Variants in DCTN5 observed in about 807,000 individuals in gnomAD.
DCTN5 encodes the protein dynactin 4.
Under a neutral mutation model 23.5 loss-of-function variants are expected in DCTN5, and 14 were observed. The ratio of observed to expected loss-of-function variants is 0.60; its 90% confidence interval spans 0.39 to 0.93. The LOEUF is 0.93. Ranked by LOEUF, DCTN5 falls within the 40% of genes least tolerant of loss-of-function variation. The probability of loss-of-function intolerance (pLI) is 0.00; values close to 1 mark genes in which losing one functional copy is unlikely to be tolerated. For missense variants in DCTN5, 156 were observed against 225.9 expected (o/e 0.69, Z 1.98); for synonymous variants, 67 against 79.6 (o/e 0.84, Z 0.84).
At chr16:23,648,366 T>TA (rs1967520545) in intron 2 of DCTN5, among the ~76,000 whole-genome samples, 1 of 147,966 alleles carries the variant, frequency 6.8e-6, no homozygotes. Flanking sequence ...TTTTTTTTTT[T>TA]AGAGACACAG....
At chr16:23,643,365 G>T (rs1967352250) in intron 2 of DCTN5, among the ~76,000 whole-genome samples, 1 of 151,706 alleles carries the variant, frequency 6.6e-6, no homozygotes, top group South Asian at 2.1e-4. Flanking sequence ...CTAATATTTT[G>T]TATTTTTAGT....
At chr16:23,663,891 G>A (rs1967860480) in intron 4 of DCTN5, among the ~76,000 whole-genome samples, 1 of 152,190 alleles carries the variant, frequency 6.6e-6, no homozygotes, top group African/African-American at 2.4e-5. Context: ...GCCAACCAGT[G>A]GACAGAGCAG....
chr16:23,658,676 G>A (rs769939722), intron 3 of DCTN5, 51 bp downstream of exon 3: 1 of 1,402,906 alleles, frequency 7.1e-7, no homozygotes, highest in East Asian at 2.3e-5. Context: ...GCTGCCACTG[G>A]TGGTGTGGTC....
At chr16:23,666,000 T>C (rs1267158148) in intron 5 of DCTN5, 2 of 448,806 alleles carry the variant, frequency 4.5e-6, no homozygotes, top group Non-Finnish European at 8.0e-6. Flanking sequence ...CACGGGTTAA[T>C]GCTGTCTTCA....
At position 23,668,391 on chromosome 16, in the gene DCTN5, T is replaced by A. The variant is rs1427113562; in HGVS notation, c.*1247T>A. 2 of 152,240 alleles carry A rather than the reference T, an allele frequency of 1.3e-5. No homozygotes were observed. 9.4% of individuals were successfully genotyped at this position (152,240 alleles called of 1,614,324 possible). A position where few individuals can be genotyped will look rare whatever the true frequency, so the allele number is the denominator to read the frequency against. On this transcript the variant is annotated 3_prime_UTR_variant, in exon 6 of 6. Transcript: ENST00000300087. The stretch of plus-strand genomic sequence containing the variant: ...GAACTCCTTTCTAGTTTGTTATTTT[T>A]AAAATGTTTATACATAAAACCACCA...
At chr16:23,642,867 C>T in intron 1 of DCTN5, 88 bp from the exon 2 acceptor site, 1 of 1,184,528 alleles carries the variant, frequency 8.4e-7, no homozygotes, top group Non-Finnish European at 1.3e-6. Context: ...ATGTTTTTTT[C>T]TCTCAAATGG....
At chr16:23,663,010 G>A (rs563023287) in intron 4 of DCTN5, among the ~76,000 whole-genome samples, 5 of 152,128 alleles carry the variant, frequency 3.3e-5, no homozygotes, top group Non-Finnish European at 2.9e-5. Context: ...ACAAATACTC[G>A]ATCTCAGGAG....
At chr16:23,647,320 G>T (rs1382048330) in intron 2 of DCTN5, among the ~76,000 whole-genome samples, 1 of 151,982 alleles carries the variant, frequency 6.6e-6, no homozygotes, top group Non-Finnish European at 1.5e-5. Flanking sequence ...ATTTTGGTCA[G>T]GCTGGTCTCG....
intron 3 of DCTN5, 48 bp downstream of exon 3, chr16:23,658,673 C>G (rs781518496): frequency 7.0e-7 from 1 of 1,432,602 alleles, no homozygotes; most frequent in South Asian, 1.1e-5. Flanking sequence ...GAAGCTGCCA[C>G]TGGTGGTGTG....
intron 4 of DCTN5, among the ~76,000 whole-genome samples, chr16:23,663,794 C>T (rs111867661): frequency 0.034 from 5,220 of 152,140 alleles, 112 homozygotes; most frequent in Middle Eastern, 0.095. Context: ...GAAATACCTA[C>T]ATTTTAAATG....
chr16:23,645,347 A>C (rs1390602197), intron 2 of DCTN5, among the ~76,000 whole-genome samples: 1 of 150,966 alleles, frequency 6.6e-6, no homozygotes, highest in Non-Finnish European at 1.5e-5. Flanking sequence ...CTGGTCTCGA[A>C]CTCCCGACCT....
At chr16:23,643,107 C>A in intron 2 of DCTN5, 84 bp downstream of exon 2, 1 of 1,054,372 alleles carries the variant, frequency 9.5e-7, no homozygotes, top group Non-Finnish European at 1.5e-6. Context: ...TAAAATGTTG[C>A]CATATCTCCT....
At chr16:23,661,786 G>A (rs1038504273) in intron 4 of DCTN5, among the ~76,000 whole-genome samples, 1 of 151,520 alleles carries the variant, frequency 6.6e-6, no homozygotes, top group Non-Finnish European at 1.5e-5. Flanking sequence ...ACATTAATAC[G>A]GGCAAGCGTT....
At position 23,667,275 on chromosome 16, in the gene DCTN5, T is replaced by C; in HGVS notation, c.*131T>C. ...ACCCTCCTCCTTTTAAAAAATTTCT[T>C]TAGAATTTCTCAATCTTCAAGGCTC... On this transcript the variant is annotated 3_prime_UTR_variant, in exon 6 of 6. Coordinates refer to ENST00000300087, the MANE Select transcript of DCTN5 (RefSeq NM_032486.4). 1 of 1,170,614 alleles carries C rather than the reference T, an allele frequency of 8.5e-7. No individual in the cohort carries two copies. The highest frequency in any genetic ancestry group is 1.2e-6 in the Non-Finnish European group (1 of 842,266). 72.5% of individuals were successfully genotyped at this position (1,170,614 alleles called of 1,614,324 possible). A position where few individuals can be genotyped will look rare whatever the true frequency, so the allele number is the denominator to read the frequency against.
chr16:23,648,380 C>T (rs149730124), intron 2 of DCTN5, among the ~76,000 whole-genome samples: 23 of 137,126 alleles, frequency 1.7e-4, no homozygotes, highest in Middle Eastern at 4.5e-3. Context: ...GACACAGTCT[C>T]GCTGTGTCGC....
Position 23,650,332 on chromosome 16 carries a change from A to C in DCTN5, c.117+7309A>C, listed in dbSNP as rs145041556. On this transcript the variant is annotated intron_variant, in intron 2 of 5. Transcript: ENST00000300087. ...CATTGTGGTCTGTGCATTTTATTTT[A>C]TTTTCTTTTAAGATGGAGTTTTGCT... Among the ~76,000 whole-genome samples, 706 of 151,366 alleles carry C rather than the reference A, an allele frequency of 4.7e-3. 5 individuals are homozygous for C. Among genetic ancestry groups the C allele is most frequent in the Non-Finnish European group, 6.4e-3 (435 of 67,798 alleles).
At chr16:23,659,622 G>A (rs1967774900) in intron 3 of DCTN5, among the ~76,000 whole-genome samples, 1 of 152,228 alleles carries the variant, frequency 6.6e-6, no homozygotes, top group Non-Finnish European at 1.5e-5. Flanking sequence ...TATGACCATG[G>A]TTAGGAAGGA....
At chr16:23,659,998 T>TA (rs2140984174) in intron 3 of DCTN5, among the ~76,000 whole-genome samples, 1 of 152,274 alleles carries the variant, frequency 6.6e-6, no homozygotes, top group South Asian at 2.1e-4. Flanking sequence ...ATGCTGAAAA[T>TA]ATGAAAGTGT....
intron 2 of DCTN5, chr16:23,657,509 C>A: frequency 2.3e-6 from 1 of 428,108 alleles, no homozygotes; most frequent in South Asian, 1.6e-5. Context: ...GGCGCGATCT[C>A]GGCTCACTGC....
Sources: allele counts gnomAD v4.1 joint callset (sites outside exome capture counted in the v4.1 genomes callset), GRCh38; gene constraint gnomAD v4.1.1; transcripts MANE v1.5; gene names NCBI Gene and HGNC (gene_info 2026-07-23, HGNC 2026-07-21).